PLEKHF2: variants seen among roughly 807,000 people sequenced by gnomAD.
PLEKHF2 encodes pleckstrin homology and FYVE domain containing 2.
In PLEKHF2, 4 loss-of-function variants were observed where a neutral mutation model predicts 14.7. That is an observed-to-expected ratio of 0.27 (90% CI 0.13 to 0.62). PLEKHF2 has a LOEUF of 0.62. PLEKHF2 is among the 20% of genes least tolerant of loss of function. The probability of loss-of-function intolerance (pLI) is 0.85; values close to 1 mark genes in which losing one functional copy is unlikely to be tolerated. For synonymous variants in PLEKHF2, 90 were observed against 103.5 expected (o/e 0.87, Z 0.79); for missense variants, 201 against 307.7 (o/e 0.65, Z 2.60).
intron 1 of PLEKHF2, among the ~76,000 whole-genome samples, chr8:95,143,699 G>T (rs1354558851): frequency 2.6e-5 from 4 of 152,160 alleles, no homozygotes; most frequent in Non-Finnish European, 5.9e-5. Flanking sequence ...TAGTAGTCTG[G>T]TTTGACTATA....
chr8:95,134,323 G>C (rs527248332), intron 1 of PLEKHF2: 93 of 151,122 alleles, frequency 6.2e-4, no homozygotes, highest in African/African-American at 2.1e-3. Context: ...GGGGGACGGG[G>C]GCCGCCGGGT....
Position 95,154,927 on chromosome 8 carries a change from C to A in PLEKHF2, c.*133C>A. ...CCTGAGAAACTTGTAACCTATGTGC[C>A]TCAATATATTCCATAGAAAGTAGGT... On this transcript the variant is annotated 3_prime_UTR_variant, in exon 2 of 2. Coordinates refer to ENST00000315367, the MANE Select transcript of PLEKHF2 (RefSeq NM_024613.4). This position sits in a 1 kb window ranked among gnomAD's most constrained non-coding sequence, Gnocchi z 5.6. The A allele has an allele frequency of 9.3e-7, 1 of 1,080,114 alleles. No individual in the cohort carries two copies. Among genetic ancestry groups the A allele is most frequent in the Non-Finnish European group, 1.3e-6 (1 of 750,678 alleles). The allele number at this position is 1,080,114 out of a possible 1,614,324, so 66.9% of individuals were successfully genotyped here.
intron 1 of PLEKHF2, among the ~76,000 whole-genome samples, chr8:95,150,793 T>G (rs530198763): frequency 6.6e-6 from 1 of 152,282 alleles, no homozygotes; most frequent in East Asian, 1.9e-4. Flanking sequence ...ATAGCTTCCT[T>G]AGAGTTCTTG....
At chr8:95,141,709 T>TG (rs199923925) in intron 1 of PLEKHF2, among the ~76,000 whole-genome samples, 17 of 151,360 alleles carry the variant, frequency 1.1e-4, no homozygotes, top group Middle Eastern at 3.4e-3. Flanking sequence ...TGTTTTGTTT[T>TG]TTTTTTTTTT....
At chr8:95,134,991 C>G (rs1810360898) in intron 1 of PLEKHF2, among the ~76,000 whole-genome samples, 1 of 152,232 alleles carries the variant, frequency 6.6e-6, no homozygotes, top group African/African-American at 2.4e-5. Flanking sequence ...GAATGCCTAC[C>G]GCGTTTTGAG....
chr8:95,142,248 T>C (rs147820876), intron 1 of PLEKHF2, among the ~76,000 whole-genome samples: 57 of 152,276 alleles, frequency 3.7e-4, no homozygotes, highest in African/African-American at 1.3e-3. Context: ...TTTCAGATAT[T>C]ATTTAATTAA....
chr8:95,148,579 CAGT>C (rs748415152), intron 1 of PLEKHF2, among the ~76,000 whole-genome samples: 64 of 152,138 alleles, frequency 4.2e-4, no homozygotes, highest in Non-Finnish European at 8.2e-4. Context: ...TGACATCAAT[CAGT>C]AGATTAGATT....
intron 1 of PLEKHF2, among the ~76,000 whole-genome samples, chr8:95,137,542 C>T (rs1810389403): frequency 6.6e-6 from 1 of 152,182 alleles, no homozygotes; most frequent in Non-Finnish European, 1.5e-5. Context: ...AGGTGGAGAA[C>T]CTTTGATTTA....
At chr8:95,134,339 C>G (rs1234167453) in intron 1 of PLEKHF2, 1 of 151,294 alleles carries the variant, frequency 6.6e-6, no homozygotes, top group Non-Finnish European at 1.5e-5. Context: ...CGGGTAGGGT[C>G]CGGTCCACGG....
At chr8:95,145,494 GCTCA>G (rs1470966367) in intron 1 of PLEKHF2, among the ~76,000 whole-genome samples, 1 of 150,758 alleles carries the variant, frequency 6.6e-6, no homozygotes, top group Non-Finnish European at 1.5e-5. Flanking sequence ...GGCTCACTCA[GCTCA>G]CTGCCAGCTC....
chr8:95,152,264 T>C (rs569237167), intron 1 of PLEKHF2, among the ~76,000 whole-genome samples: 1 of 152,114 alleles, frequency 6.6e-6, no homozygotes, highest in Non-Finnish European at 1.5e-5. Flanking sequence ...TTGATGGCTA[T>C]TTGGAGCTTT....
At chr8:95,145,687 G>A (rs1427042860) in intron 1 of PLEKHF2, among the ~76,000 whole-genome samples, 1 of 152,124 alleles carries the variant, frequency 6.6e-6, no homozygotes, top group East Asian at 1.9e-4. Context: ...GCCTCCCAAA[G>A]TGCTGGGATT....
intron 1 of PLEKHF2, 147 bp from the exon 2 acceptor site, chr8:95,153,884 G>A (rs997774236): frequency 9.9e-6 from 5 of 506,904 alleles, no homozygotes; most frequent in African/African-American, 2.0e-5. Context: ...CCCTTTTGAT[G>A]TGCTTAGTGA....
At chr8:95,134,719 C>T (rs1810356995) in intron 1 of PLEKHF2, among the ~76,000 whole-genome samples, 1 of 152,136 alleles carries the variant, frequency 6.6e-6, no homozygotes, top group South Asian at 2.1e-4. Flanking sequence ...TCCGTACATT[C>T]CAGCAATAAC....
intron 1 of PLEKHF2, among the ~76,000 whole-genome samples, chr8:95,146,614 C>A (rs544908683): frequency 3.3e-5 from 5 of 151,050 alleles, no homozygotes; most frequent in South Asian, 2.1e-4. Context: ...CAAGATGTTA[C>A]CTAAAGACTA....
chr8:95,136,271 A>T (rs1810374818), intron 1 of PLEKHF2, among the ~76,000 whole-genome samples: 1 of 151,724 alleles, frequency 6.6e-6, no homozygotes, highest in Non-Finnish European at 1.5e-5. Flanking sequence ...TCTTCTTTGT[A>T]GTCTTTTTCC....
At chr8:95,137,732 T>G (rs2132104224) in intron 1 of PLEKHF2, among the ~76,000 whole-genome samples, 1 of 152,298 alleles carries the variant, frequency 6.6e-6, no homozygotes, top group Admixed American at 6.6e-5. Flanking sequence ...CTGGCCAGAA[T>G]GGCCACATTT....
rs1424361586 is a variant in PLEKHF2, at chr8:95,154,133, C to T, written c.89C>T (p.Thr30Ile). The T allele has an allele frequency of 6.2e-7, 1 of 1,613,798 alleles. No homozygotes were observed. The highest frequency in any genetic ancestry group is 2.2e-5 in the East Asian group (1 of 44,882). Residue 30 changes from threonine (T) to isoleucine (I), a missense_variant, in exon 2 of 2, where the codon ACT becomes ATT. Physicochemically the swap from Thr to Ile is moderately conservative, Grantham distance 89 (BLOSUM62 -1). Coordinates refer to ENST00000315367, the MANE Select transcript of PLEKHF2 (RefSeq NM_024613.4). The surrounding 1 kb of genome is among the most constrained non-coding windows in gnomAD (Gnocchi z 5.6). ...NCFGAAGQPL[T>I]IPGRVLIGEG... ...TTTGGAGCAGCTGGTCAACCTTTAA[C>T]TATACCTGGACGAGTTCTTATTGGA... is the stretch of plus-strand genomic sequence containing the variant.
At chr8:95,143,736 A>G (rs548563535) in intron 1 of PLEKHF2, among the ~76,000 whole-genome samples, 1 of 152,232 alleles carries the variant, frequency 6.6e-6, no homozygotes, top group African/African-American at 2.4e-5. Flanking sequence ...AAGAGGTAAA[A>G]CTGGAAAGAT....
Sources: gnomAD v4.1 joint callset for allele counts (sites outside exome capture counted in the v4.1 genomes callset) on GRCh38, gnomAD v4.1.1 for gene constraint, Gnocchi (gnomAD v3.1) non-coding constraint, MANE v1.5 for transcripts, NCBI Gene and HGNC (gene_info 2026-07-23, HGNC 2026-07-21) for gene names.